Variants in NLRP1 observed in about 807,000 individuals in gnomAD.
The protein encoded by NLRP1 is NACHT, LRR and PYD domains-containing protein 1.
Under a neutral mutation model 136.7 loss-of-function variants are expected in NLRP1, and 94 were observed. The ratio of observed to expected loss-of-function variants is 0.69; its 90% confidence interval spans 0.58 to 0.82. NLRP1 has a LOEUF of 0.82. Ranked by LOEUF, NLRP1 falls within the 40% of genes least tolerant of loss-of-function variation. The pLI is 0.00. For synonymous variants in NLRP1, 690 were observed against 725.1 expected (o/e 0.95, Z 0.78); for missense variants, 1,575 against 1,802.7 (o/e 0.87, Z 2.29).
Position 5,533,309 on chromosome 17 carries a change from A to G in NLRP1, c.3128T>C (p.Ile1043Thr), listed in dbSNP as rs376030014. The change falls in exon 10 of 17, where the codon ATT becomes ACT. Residue 1043 changes from isoleucine (I) to threonine (T), a missense_variant. Transcript: ENST00000572272. Reference sequence around the variant, plus strand: ...CCAGGCACCGTGGCTCTTGCCTGCAATCTCAGCAATTGGGAAGATCTTGCT... The same window carrying G: ...CCAGGCACCGTGGCTCTTGCCTGCAGTCTCAGCAATTGGGAAGATCTTGCT... ...DVSKIFPIAE[I>T]AEESSPEVVP... 1.9e-6 allele frequency: 3 copies of G among 1,544,156 alleles called. No homozygotes were observed. Among genetic ancestry groups the G allele is most frequent in the Non-Finnish European group, 2.6e-6 (3 of 1,140,182 alleles).
chr17:5,530,110 A>G (rs985565517), intron 12 of NLRP1: 2 of 460,160 alleles, frequency 4.3e-6, no homozygotes, highest in Non-Finnish European at 4.3e-6. Flanking sequence ...TTGCCCCAAC[A>G]TTCTTCGTTA....
At chr17:5,501,712 A>G in exon 16 of NLRP1, 1 of 859,558 alleles carries the variant, frequency 1.2e-6, no homozygotes, top group Non-Finnish European at 2.0e-6. Flanking sequence ...GACCTGCCTC[A>G]CCTAAGCCCA....
intron 4 of NLRP1, 70 bp from the exon 5 acceptor site, chr17:5,553,626 A>C: frequency 7.1e-7 from 1 of 1,415,406 alleles, no homozygotes; most frequent in Non-Finnish European, 9.8e-7. Flanking sequence ...CCAGCCCTGC[A>C]CAACACAGTT....
chr17:5,531,914 A>G (rs770280354), intron 11 of NLRP1, among the ~76,000 whole-genome samples: 6 of 152,168 alleles, frequency 3.9e-5, no homozygotes, highest in Non-Finnish European at 8.8e-5. Flanking sequence ...AACAAAGAAA[A>G]TAAAATGAGT....
In NLRP1 at chr17:5,583,498, G is replaced by A. The variant is rs940745322; in HGVS notation, c.271+189C>T. Among the ~76,000 whole-genome samples, 4 of 152,100 alleles carry A rather than the reference G, an allele frequency of 2.6e-5. No individual in the cohort carries two copies. Among genetic ancestry groups the A allele is most frequent in the Non-Finnish European group, 2.9e-5 (2 of 68,002 alleles). On this transcript the variant is annotated intron_variant, in intron 1 of 16. Transcript: ENST00000572272. This position sits in a 1 kb window ranked among gnomAD's most constrained non-coding sequence, Gnocchi z 4.5. ...GTGTGGGGCTCTGAGGTGCAGCAAG[G>A]GCCCCCCCAGCAAGCCTCCTGGCTC...
chr17:5,525,904 CTTCT>C (rs992224716), intron 12 of NLRP1, among the ~76,000 whole-genome samples: 1 of 152,162 alleles, frequency 6.6e-6, no homozygotes, highest in Non-Finnish European at 1.5e-5. Context: ...GTGGTGGTTC[CTTCT>C]GTTTCTTCCT....
In NLRP1 at chr17:5,530,672, C is replaced by T. The variant is rs748390216; in HGVS notation, c.3329G>A (p.Trp1110Ter). Residue 1110 changes from tryptophan (W) to a stop codon, truncating the protein, a stop_gained, in exon 12 of 17, where the codon TGG becomes TAG. Coordinates refer to ENST00000572272, the MANE Select transcript of NLRP1 (RefSeq NM_033004.4). LOFTEE classifies it high-confidence loss of function. ...VHFPVAGSYR[W>*]PNTGLCFVMR... ...CACAAAGCAGAGACCCGTGTTGGGC[C>T]AGCGGTAGGAGCCAGCTACAGGGAA... 6.2e-7 allele frequency: 1 copy of T among 1,614,190 alleles called. No individual in the cohort carries two copies. The highest frequency in any genetic ancestry group is 8.5e-7 in the Non-Finnish European group (1 of 1,180,022).
chr17:5,521,496 G>A, intron 13 of NLRP1, 28 bp downstream of exon 13: 2 of 1,604,574 alleles, frequency 1.2e-6, no homozygotes, highest in Non-Finnish European at 1.7e-6. Flanking sequence ...ACCCACCGTG[G>A]CCCAGCCTTT....
At position 5,559,827 on chromosome 17, in the gene NLRP1, C is replaced by G. The variant is rs771464318; in HGVS notation, c.869G>C (p.Arg290Thr). The change falls in exon 4 of 17, where the codon AGA (arginine) becomes ACA (threonine). Residue 290 changes from arginine (R) to threonine (T), a missense_variant. Transcript: ENST00000572272. The part of the protein sequence containing the change: ...QLLLLQRPHP[R>T]SQDPLVKRSW... ...TCTCTTGACCAGGGGATCTTGGCTTCTGGGGTGAGGTCTTTGTAGAAGTAG... is the reference window on the plus strand; with the variant it reads ...TCTCTTGACCAGGGGATCTTGGCTTGTGGGGTGAGGTCTTTGTAGAAGTAG... The G allele has an allele frequency of 6.2e-7, 1 of 1,614,108 alleles. No individual in the cohort carries two copies. Among genetic ancestry groups the G allele is most frequent in the African/African-American group, 1.3e-5 (1 of 74,934 alleles).
intron 1 of NLRP1, 47 bp from the exon 2 acceptor site, chr17:5,582,893 G>C: frequency 6.7e-7 from 1 of 1,486,658 alleles, no homozygotes; most frequent in Non-Finnish European, 9.1e-7. Context: ...GAGGGGCAGG[G>C]GCAAGGTGCC....
intron 3 of NLRP1, among the ~76,000 whole-genome samples, chr17:5,579,585 G>GTA (rs1436321034): frequency 6.6e-6 from 1 of 152,150 alleles, no homozygotes; most frequent in African/African-American, 2.4e-5. Flanking sequence ...CCATTATTGG[G>GTA]TATATACCCA....
At chr17:5,533,836 C>T in intron 9 of NLRP1, 61 bp downstream of exon 9, 2 of 1,137,786 alleles carry the variant, frequency 1.8e-6, no homozygotes, top group Non-Finnish European at 1.3e-6. Flanking sequence ...GGAATGACCT[C>T]CCACAGCTGA....
In NLRP1 at chr17:5,541,874, G is replaced by A. The variant is rs150626392; in HGVS notation, c.2682C>T (p.Cys894=). 1.9e-6 allele frequency: 3 copies of A among 1,613,776 alleles called. 1 individual carries two copies. Among genetic ancestry groups the A allele is most frequent in the East Asian group, 4.5e-5 (2 of 44,830 alleles). ...HLCQRLRQPS[C]KLQRLQLVSC... ...ACAATTACTGCAGTCGCTGTAGCTT[G>A]CAGCTCGGCTGTCTCAGTCTCTGGC... The change falls in exon 6 of 17, where the codon TGC becomes TGT. Residue 894 remains cysteine, a synonymous_variant. Transcript: ENST00000572272. The surrounding 1 kb of genome is among the most constrained non-coding windows in gnomAD (Gnocchi z 4.2).
chr17:5,536,926 G>A lies in NLRP1; in HGVS notation c.2885C>T (p.Thr962Ile), dbSNP rs761973445. The A allele has an allele frequency of 8.1e-6, 13 of 1,613,410 alleles. No homozygotes were observed. The highest frequency in any genetic ancestry group is 1.0e-5 in the Non-Finnish European group (12 of 1,179,348). The stretch of plus-strand genomic sequence containing the variant: ...TTCCTGCCTCATCTCATCACTCAGA[G>A]TTGTCTGGTCCAGCCTGAAAGCACA... ...KLIRLGLDQT[T>I]LSDEMRQELR... The change falls in exon 8 of 17, where the codon ACT becomes ATT. Residue 962 changes from threonine (T) to isoleucine (I), a missense_variant. By Grantham distance (89) the Thr-to-Ile change is moderately conservative. Transcript: ENST00000572272.
intron 15 of NLRP1, among the ~76,000 whole-genome samples, chr17:5,516,395 G>A (rs935888363): frequency 3.3e-5 from 5 of 152,202 alleles, no homozygotes; most frequent in Non-Finnish European, 5.9e-5. Context: ...GAGCTGAGAT[G>A]TCTAACTTGC....
At chr17:5,517,362 C>CCCCCCCCCCCCCCCCCCCCG (rs78433357) in intron 15 of NLRP1, among the ~76,000 whole-genome samples, 1 of 61,564 alleles carries the variant, frequency 1.6e-5, no homozygotes, top group African/African-American at 5.2e-5. Flanking sequence ...CCCCCCCCCT[C>CCCCCCCCCCCCCCCCCCCCG]CCACATACAC....
Position 5,559,553 on chromosome 17 carries a change from A to G in NLRP1, c.1143T>C (p.Ala381=). 2.5e-6 allele frequency: 4 copies of G among 1,614,206 alleles called. No homozygotes were observed. The South Asian group carries it at 3.3e-5, about 13-fold the overall frequency. ...CTGTCCCATCTTTTCCGATGAGCTC[A>G]GCGAGACTCACCACCTTGGACTGGG... ...ELAQSKVVSL[A]ELIGKDGTAT... Residue 381 remains alanine, a synonymous_variant, in exon 4 of 17, where the codon GCT becomes GCC. Coordinates refer to ENST00000572272, the MANE Select transcript of NLRP1 (RefSeq NM_033004.4).
At position 5,563,567 on chromosome 17, in the gene NLRP1, A is replaced by G. The variant is rs970547256; in HGVS notation, c.653-3524T>C. Among the ~76,000 whole-genome samples, 7 of 152,362 alleles carry G rather than the reference A, an allele frequency of 4.6e-5. No individual in the cohort carries two copies. The South Asian group carries it at 1.2e-3, about 27-fold the overall frequency. On this transcript the variant is annotated intron_variant, in intron 3 of 16. Transcript: ENST00000572272. Reference sequence around the variant, plus strand: ...TGGTTCTCCAAATTAACTCAGTCAGACAAAAATAAAAAAGAATGAAAACAA... The same window carrying G: ...TGGTTCTCCAAATTAACTCAGTCAGGCAAAAATAAAAAAGAATGAAAACAA...
At position 5,517,871 on chromosome 17, in the gene NLRP1, T is replaced by C; in HGVS notation, c.3932A>G (p.Tyr1311Cys). The change falls in exon 15 of 17, where the codon TAT (tyrosine) becomes TGT (cysteine). Residue 1311 changes from tyrosine (Y) to cysteine (C), a missense_variant. Physicochemically the swap from Tyr to Cys is radical, Grantham distance 194 (BLOSUM62 -2). Coordinates refer to ENST00000572272, the MANE Select transcript of NLRP1 (RefSeq NM_033004.4). ...EILPKELELC[Y>C]RSPGEDQLFS... ...CAGCTGGTCTTCTCCAGGGCTTCGA[T>C]AGCAGAGCTCCAGTTCCTGAAGAGG... 2 of 1,614,136 alleles carry C rather than the reference T, an allele frequency of 1.2e-6. No individual in the cohort carries two copies. Among genetic ancestry groups the C allele is most frequent in the African/African-American group, 1.3e-5 (1 of 75,054 alleles).
Sources: gnomAD v4.1 joint callset for allele counts (sites outside exome capture counted in the v4.1 genomes callset) on GRCh38, gnomAD v4.1.1 for gene constraint, Gnocchi (gnomAD v3.1) non-coding constraint, MANE v1.5 for transcripts, NCBI Gene and HGNC (gene_info 2026-07-23, HGNC 2026-07-21) for gene names.